Variants in POLD1 observed in about 807,000 individuals in gnomAD.
POLD1 encodes the protein DNA polymerase delta 1, catalytic subunit, also known as DNA polymerase delta catalytic subunit.
Under a neutral mutation model 129.7 loss-of-function variants are expected in POLD1, and 79 were observed. The ratio of observed to expected loss-of-function variants is 0.61; its 90% CI spans 0.51 to 0.73. The LOEUF (loss-of-function observed/expected upper bound fraction) is 0.73. Among genes scored for constraint, POLD1 ranks in the 30% least tolerant of loss-of-function variants. The pLI is 0.00. For synonymous variants in POLD1, 714 were observed against 683.3 expected (o/e 1.04, Z -0.70); for missense variants, 1,338 against 1,595.8 (o/e 0.84, Z 2.75).
Position 50,401,964 on chromosome 19 carries a change from G to T in POLD1, c.464-35G>T. ...CCCAGCCCCTCCCTGAGCCACTGGA[G>T]CCCCCTGCACCTCTGATCATCCCTC... On this transcript the variant is annotated intron_variant, in intron 4 of 26. Coordinates refer to ENST00000440232, the MANE Select transcript of POLD1 (RefSeq NM_002691.4). 4.3e-6 allele frequency: 7 copies of T among 1,614,012 alleles called. No homozygotes were observed. The South Asian group carries it at 7.7e-5, about 18-fold the overall frequency.
intron 1 of POLD1, among the ~76,000 whole-genome samples, chr19:50,390,722 G>A (rs1290984018): frequency 3.3e-5 from 5 of 152,108 alleles, no homozygotes; most frequent in Admixed American, 2.0e-4. Context: ...AGGGCCCTGC[G>A]GCCTTCCGCA....
At chr19:50,398,801 A>G (rs1252746874) in intron 1 of POLD1, 50 bp from the exon 2 acceptor site, 5 of 1,579,314 alleles carry the variant, frequency 3.2e-6, no homozygotes, top group Non-Finnish European at 4.3e-6. Flanking sequence ...GAGACAGGGT[A>G]AGAGGTGTCT....
At chr19:50,402,158 G>T in intron 5 of POLD1, 34 bp downstream of exon 5, 3 of 1,594,448 alleles carry the variant, frequency 1.9e-6, no homozygotes, top group African/African-American at 2.7e-5. Flanking sequence ...GGGTTGGAGG[G>T]TCCCCTCGGG....
intron 1 of POLD1, among the ~76,000 whole-genome samples, chr19:50,389,887 G>GT (rs111716675): frequency 3.8e-3 from 531 of 141,166 alleles, no homozygotes; most frequent in African/African-American, 6.7e-3. Flanking sequence ...TGTCCAGCCT[G>GT]TTTTTTTTTT....
intron 3 of POLD1, among the ~76,000 whole-genome samples, chr19:50,401,381 A>ATGTG (rs2038606643): frequency 1.7e-5 from 1 of 57,236 alleles, no homozygotes; most frequent in African/African-American, 7.8e-5. Flanking sequence ...ATATATATAT[A>ATGTG]TATATATATA....
rs2122245971 is a variant in POLD1, at chr19:50,402,326, C to T, written c.711C>T (p.Gly237=). The part of the protein sequence containing the change: ...LEQGIRVAGL[G]TPSFAPYEAN... ...AGGGCATCCGTGTGGCAGGCCTGGG[C>T]ACGCCCAGCTTCGCGCCCTACGAGG... The change falls in exon 6 of 27, where the codon GGC becomes GGT. Residue 237 remains glycine, a synonymous_variant. Transcript: ENST00000440232. 6.2e-7 allele frequency: 1 copy of T among 1,610,844 alleles called. No individual in the cohort carries two copies.
At position 50,395,876 on chromosome 19, in the gene POLD1, C is replaced by CTTTTTTTTT. The variant is rs774272686; in HGVS notation, c.-1-2958_-1-2950dup. 2.6e-4 allele frequency among the ~76,000 whole-genome samples: 19 copies of CTTTTTTTTT among 73,658 alleles called. 2 individuals carry two copies. The highest frequency in any genetic ancestry group is 9.0e-4 in the African/African-American group (16 of 17,738). 48.3% of individuals were successfully genotyped at this position (73,658 alleles called of 152,430 possible). A position where few individuals can be genotyped will look rare whatever the true frequency, so the allele number is the denominator to read the frequency against. ...TGTCTAATCAACCAGAGGATATATACTTTTTTTTTTTTTTTTTTTTTTTTT... is the reference window on the plus strand; with the variant it reads ...TGTCTAATCAACCAGAGGATATATACTTTTTTTTTTTTTTTTTTTTTTTTTTTTTTTTTT... On this transcript the variant is annotated intron_variant, in intron 1 of 26. Coordinates refer to ENST00000440232, the MANE Select transcript of POLD1 (RefSeq NM_002691.4).
chr19:50,384,934 C>G (rs986488714), intron 1 of POLD1, among the ~76,000 whole-genome samples: 1 of 152,150 alleles, frequency 6.6e-6, no homozygotes, highest in African/African-American at 2.4e-5. Flanking sequence ...CTCTGGGACC[C>G]TCAAGTGCAA....
chr19:50,388,492 A>C (rs575610462), intron 1 of POLD1, among the ~76,000 whole-genome samples: 2 of 151,722 alleles, frequency 1.3e-5, no homozygotes, highest in African/African-American at 4.9e-5. Context: ...GCATTACAAT[A>C]AAAAAGACGT....
At chr19:50,398,792 A>G (rs1001985829) in intron 1 of POLD1, 59 bp from the exon 2 acceptor site, 52 of 1,567,370 alleles carry the variant, frequency 3.3e-5, no homozygotes, top group Non-Finnish European at 4.3e-5. Flanking sequence ...GATGCCATGG[A>G]GACAGGGTAA....
rs538347777 is a variant in POLD1, at chr19:50,408,727, C to T, written c.1776-58C>T. ...TAAAGGGTGAGGCCACAAGACAGGG[C>T]GGGGGCGGCATGGGAACTCCTAGCC... On this transcript the variant is annotated intron_variant, in intron 14 of 26. Transcript: ENST00000440232. 888 of 1,596,540 alleles carry T rather than the reference C, an allele frequency of 5.6e-4. 6 individuals carry two copies. The South Asian group carries it at 9.1e-3, about 16-fold the overall frequency.
In POLD1 at chr19:50,409,780, G is replaced by A. The variant is rs3219410; in HGVS notation, c.2154+114G>A. 2.6e-6 allele frequency: 3 copies of A among 1,166,488 alleles called. No individual in the cohort carries two copies. The highest frequency in any genetic ancestry group is 1.5e-5 in the African/African-American group (1 of 64,958). The allele number at this position is 1,166,488 out of a possible 1,614,324, so 72.3% of individuals were successfully genotyped here. On this transcript the variant is annotated intron_variant, in intron 17 of 26. Coordinates refer to ENST00000440232, the MANE Select transcript of POLD1 (RefSeq NM_002691.4). The surrounding 1 kb of genome is among the most constrained non-coding windows in gnomAD (Gnocchi z 5.8). ...GAGGACTGGGCACCCCAACTCACTG[G>A]CCTTCTAGAGAGAGGATGCCAATGT...
chr19:50,401,391 A>ATATATATATATTTT (rs1334231607), intron 3 of POLD1, among the ~76,000 whole-genome samples: 3 of 65,948 alleles, frequency 4.5e-5, no homozygotes, highest in African/African-American at 6.9e-5. Flanking sequence ...ATATATATAT[A>ATATATATATATTTT]TTTTTTTTTT....
chr19:50,396,380 G>A (rs145218692), intron 1 of POLD1, among the ~76,000 whole-genome samples: 307 of 150,864 alleles, frequency 2.0e-3, no homozygotes, highest in African/African-American at 6.8e-3. Flanking sequence ...GGGCCACCGT[G>A]CCTAACTCTA....
Position 50,395,230 on chromosome 19 carries a change from G to A in POLD1, c.-1-3621G>A, listed in dbSNP as rs971061010. The A allele has an allele frequency of 5.9e-5, 7 of 118,366 alleles. 2 individuals are homozygous for A. The highest frequency in any genetic ancestry group is 2.2e-4 in the African/African-American group (5 of 22,540). 7.3% of individuals were successfully genotyped at this position (118,366 alleles called of 1,614,324 possible). On this transcript the variant is annotated intron_variant, in intron 1 of 26. Coordinates refer to ENST00000440232, the MANE Select transcript of POLD1 (RefSeq NM_002691.4). ...AGAATAAATAGTGTAGGCCGGGCGC[G>A]GTGGCTGGGTACAGGTACTTTTTAA...
intron 1 of POLD1, among the ~76,000 whole-genome samples, chr19:50,392,169 C>G (rs1270724281): frequency 6.6e-6 from 1 of 152,212 alleles, no homozygotes; most frequent in Non-Finnish European, 1.5e-5. Flanking sequence ...CTCCCAGGTT[C>G]AAGTGATCCT....
chr19:50,406,266 C>A lies in POLD1; in HGVS notation c.1327C>A (p.Arg443=), dbSNP rs1568626243. ...DSSFQSKQTG[R]RDTKVVSMVG... is the part of the protein sequence containing the mutation. The stretch of plus-strand genomic sequence containing the variant: ...TTCATTCCAGTCCAAGCAGACGGGC[C>A]GGCGGGACACCAAGGTTGTCAGCAT... The change falls in exon 11 of 27, where the codon CGG becomes AGG. Residue 443 remains arginine, a synonymous_variant. Transcript: ENST00000440232. The surrounding 1 kb of genome is among the most constrained non-coding windows in gnomAD (Gnocchi z 5.5). The A allele has an allele frequency of 6.2e-7, 1 of 1,614,038 alleles. No homozygotes were observed. Among genetic ancestry groups the A allele is most frequent in the Non-Finnish European group, 8.5e-7 (1 of 1,180,002 alleles).
rs2038929986 is a variant in POLD1, at chr19:50,407,273, A to C, written c.1687-54A>C. The C allele has an allele frequency of 3.9e-6, 6 of 1,557,730 alleles. No individual in the cohort carries two copies. The East Asian group carries it at 1.4e-4, about 35-fold the overall frequency. On this transcript the variant is annotated intron_variant, in intron 13 of 26. Coordinates refer to ENST00000440232, the MANE Select transcript of POLD1 (RefSeq NM_002691.4). ...GGATGCACTTTTTCTCCCCACTCCCAATCCGCACGGCCCCACCTATACCCA... is the reference window on the plus strand; with the variant it reads ...GGATGCACTTTTTCTCCCCACTCCCCATCCGCACGGCCCCACCTATACCCA...
At position 50,414,853 on chromosome 19, in the gene POLD1, CGCGGGCCT is replaced by C; in HGVS notation, c.2430_2437del (p.Gly811LeufsTer45). On this transcript the variant is annotated frameshift_variant, in exon 20 of 27. Coordinates refer to ENST00000440232, the MANE Select transcript of POLD1 (RefSeq NM_002691.4). LOFTEE classifies it high-confidence loss of function. ...ACCTGCTTATCAGCAAGAAGCGCTA[CGCGGGCCT>C]GCTCTTCTCCTCCCGGCCCGACGCC... The C allele has an allele frequency of 6.3e-7, 1 of 1,598,628 alleles. No individual in the cohort carries two copies. The highest frequency in any genetic ancestry group is 1.1e-5 in the South Asian group (1 of 89,500).
Sources: gnomAD v4.1 joint callset for allele counts (sites outside exome capture counted in the v4.1 genomes callset) on GRCh38, gnomAD v4.1.1 for gene constraint, Gnocchi (gnomAD v3.1) non-coding constraint, MANE v1.5 for transcripts, NCBI Gene and HGNC (gene_info 2026-07-23, HGNC 2026-07-21) for gene names.